The following RRAD variants were observed in gnomAD, a reference collection of about 807,000 sequenced individuals.
RRAD encodes GTP-binding protein RAD.
Under a neutral mutation model 24.7 loss-of-function variants are expected in RRAD, and 15 were observed. The ratio of observed to expected loss-of-function variants is 0.61; its 90% confidence interval spans 0.41 to 0.93. RRAD has a LOEUF of 0.93. Ranked by LOEUF, RRAD falls within the 40% of genes least tolerant of loss-of-function variation. The pLI, the probability that RRAD is intolerant of heterozygous loss-of-function variation, is 0.00. For missense variants in RRAD, 438 were observed against 452.2 expected, an observed-to-expected ratio of 0.97 and a Z score of 0.29; for synonymous variants, 180 against 189.8, an observed-to-expected ratio of 0.95 and a Z score of 0.43.
chr16:66,921,765 C>T lies in RRAD; in HGVS notation c.*311G>A, dbSNP rs1962913658. On this transcript the variant is annotated 3_prime_UTR_variant, in exon 5 of 5. Coordinates refer to ENST00000299759, the MANE Select transcript of RRAD (RefSeq NM_004165.3). ...CTGAAGAGCCTCCCTCCAGGGCAGG[C>T]ACACCCGGGCTGTGAAAAAAGGCAG... The T allele has an allele frequency of 3.1e-6, 1 of 327,724 alleles. No individual in the cohort carries two copies. Among genetic ancestry groups the T allele is most frequent in the Non-Finnish European group, 5.6e-6 (1 of 179,574 alleles). 20.3% of individuals were successfully genotyped at this position (327,724 alleles called of 1,614,324 possible). A position where few individuals can be genotyped will look rare whatever the true frequency, so the allele number is the denominator to read the frequency against.
At position 66,925,397 on chromosome 16, in the gene RRAD, C is replaced by T. The variant is rs1962985891; in HGVS notation, c.-16+12G>A. ...TGCAGCCGCCCCGACCCCGCTCCGC[C>T]AGGACACTCACCCACTCGCACACAG... On this transcript the variant is annotated intron_variant, in intron 1 of 4. Coordinates refer to ENST00000299759, the MANE Select transcript of RRAD (RefSeq NM_004165.3). The surrounding 1 kb of genome is among the most constrained non-coding windows in gnomAD (Gnocchi z 5.2). 2 of 365,340 alleles carry T rather than the reference C, an allele frequency of 5.5e-6. No homozygotes were observed. Among genetic ancestry groups the T allele is most frequent in the African/African-American group, 4.2e-5 (2 of 47,336 alleles). 22.6% of individuals were successfully genotyped at this position (365,340 alleles called of 1,614,324 possible). A position where few individuals can be genotyped will look rare whatever the true frequency, so the allele number is the denominator to read the frequency against.
intron 4 of RRAD, among the ~76,000 whole-genome samples, chr16:66,922,784 G>A (rs1962934585): frequency 6.6e-6 from 1 of 152,124 alleles, no homozygotes; most frequent in Non-Finnish European, 1.5e-5. Flanking sequence ...CCGGGTTCAC[G>A]CCATTCTCCT....
Position 66,922,099 on chromosome 16 carries a change from A to G in RRAD, c.904T>C (p.Cys302Arg). ...KMAFRAKSKS[C>R]HDLSVL ...ACCTAGAGAACCGAGAGGTCGTGGCAGGACTTGGATTTGGCGCGAAAGGCC... is the reference window on the plus strand; with the variant it reads ...ACCTAGAGAACCGAGAGGTCGTGGCGGGACTTGGATTTGGCGCGAAAGGCC... The change falls in exon 5 of 5, where the codon TGC (cysteine) becomes CGC (arginine). Residue 302 changes from cysteine to arginine, a missense_variant. Physicochemically the swap from Cys to Arg is radical, Grantham distance 180. Coordinates refer to ENST00000299759, the MANE Select transcript of RRAD (RefSeq NM_004165.3). The G allele has an allele frequency of 6.2e-7, 1 of 1,609,366 alleles. No homozygotes were observed. The highest frequency in any genetic ancestry group is 8.5e-7 in the Non-Finnish European group (1 of 1,175,848).
intron 4 of RRAD, among the ~76,000 whole-genome samples, chr16:66,922,673 GTATTT>G (rs367753156): frequency 0.01 from 1,585 of 152,200 alleles, 29 homozygotes; most frequent in African/African-American, 0.036. Context: ...GGACAACTTA[GTATTT>G]TATTTTATTT....
intron 4 of RRAD, among the ~76,000 whole-genome samples, chr16:66,922,948 T>C (rs1364475625): frequency 6.6e-6 from 1 of 152,252 alleles, no homozygotes; most frequent in Non-Finnish European, 1.5e-5. Context: ...CCCAAAGTGC[T>C]GGGATTACAG....
chr16:66,922,012 A>G lies in RRAD; in HGVS notation c.*64T>C, dbSNP rs1047391878. 1 of 1,477,490 alleles carries G rather than the reference A, an allele frequency of 6.8e-7. No individual in the cohort carries two copies. The highest frequency in any genetic ancestry group is 9.3e-7 in the Non-Finnish European group (1 of 1,080,422). 91.5% of individuals were successfully genotyped at this position (1,477,490 alleles called of 1,614,324 possible). On this transcript the variant is annotated 3_prime_UTR_variant, in exon 5 of 5. Coordinates refer to ENST00000299759, the MANE Select transcript of RRAD (RefSeq NM_004165.3). ...GAGCCTGCTCTGAGGCACCCGGGGC[A>G]GTTGGCTGGGCCAGCCCACCAACCC...
chr16:66,923,619 T>G lies in RRAD; in HGVS notation c.546A>C (p.Glu182Asp), dbSNP rs1328070314. The change falls in exon 4 of 5, where the codon GAA (glutamate) becomes GAC (aspartate). Residue 182 changes from glutamate (E) to aspartate (D), a missense_variant. Coordinates refer to ENST00000299759, the MANE Select transcript of RRAD (RefSeq NM_004165.3). The surrounding 1 kb of genome is among the most constrained non-coding windows in gnomAD (Gnocchi z 4.9). ...TDKGSFEKASELRVQLRRARQ... is the reference protein window; with the variant it reads ...TDKGSFEKASDLRVQLRRARQ... Reference sequence around the variant, plus strand: ...GTGCACGCCGCAGCTGGACCCGCAGTTCTGAGGCCTTCTCGAAGCTGCCCT... The same window carrying G: ...GTGCACGCCGCAGCTGGACCCGCAGGTCTGAGGCCTTCTCGAAGCTGCCCT... 10 of 1,613,916 alleles carry G rather than the reference T, an allele frequency of 6.2e-6. No individual in the cohort carries two copies. Among genetic ancestry groups the G allele is most frequent in the Non-Finnish European group, 8.5e-6 (10 of 1,179,986 alleles).
chr16:66,924,934 T>C lies in RRAD; in HGVS notation c.246A>G (p.Ser82=). 6.4e-7 allele frequency: 1 copy of C among 1,564,580 alleles called. No individual in the cohort carries two copies. The stretch of plus-strand genomic sequence containing the variant: ...CGCTCTCGTCTGAGTCGCTGCCCCC[T>C]GAGCTGAGCGAGTCCTCGGAGTCCT... ...WPEDSEDSLS[S]GGSDSDESVY... Residue 82 remains serine, a synonymous_variant, in exon 2 of 5, where the codon TCA becomes TCG. Transcript: ENST00000299759. This position sits in a 1 kb window ranked among gnomAD's most constrained non-coding sequence, Gnocchi z 4.2.
Position 66,925,181 on chromosome 16 carries a change from G to T in RRAD, c.-2C>A. 1 of 1,246,260 alleles carries T rather than the reference G, an allele frequency of 8.0e-7. No individual in the cohort carries two copies. The highest frequency in any genetic ancestry group is 3.1e-5 in the East Asian group (1 of 32,586). The allele number at this position is 1,246,260 out of a possible 1,614,324, so 77.2% of individuals were successfully genotyped here. A position where few individuals can be genotyped will look rare whatever the true frequency, so the allele number is the denominator to read the frequency against. On this transcript the variant is annotated 5_prime_UTR_variant, in exon 2 of 5. Transcript: ENST00000299759. This position sits in a 1 kb window ranked among gnomAD's most constrained non-coding sequence, Gnocchi z 5.2. Reference sequence around the variant, plus strand: ...GCTGCCGCCGCCGTTCAGGGTCATCGCGTCCGGGACCGTCTAGGGGATCAG... The same window carrying T: ...GCTGCCGCCGCCGTTCAGGGTCATCTCGTCCGGGACCGTCTAGGGGATCAG...
rs900375736 is a variant in RRAD at position 66,921,818 on chromosome 16, C to T, written c.*258G>A. The T allele has an allele frequency of 3.7e-5, 16 of 432,948 alleles. No individual in the cohort carries two copies. The highest frequency in any genetic ancestry group is 6.6e-5 in the Non-Finnish European group (16 of 244,130). The allele number at this position is 432,948 out of a possible 1,614,324, so 26.8% of individuals were successfully genotyped here. ...TCCTCTCCCGGCACGCAGGCCTGCC[C>T]GGCGGCTGCGCTGCGGCTGCTTGGG... is the stretch of plus-strand genomic sequence containing the variant. On this transcript the variant is annotated 3_prime_UTR_variant, in exon 5 of 5. Coordinates refer to ENST00000299759, the MANE Select transcript of RRAD (RefSeq NM_004165.3).
Position 66,922,200 on chromosome 16 carries a change from G to C in RRAD, c.803C>G (p.Thr268Ser), listed in dbSNP as rs374828442. Residue 268 changes from threonine (T) to serine (S), a missense_variant, in exon 5 of 5, where the codon ACC (threonine) becomes AGC (serine). Thr to Ser is a moderately conservative substitution (Grantham distance 58, BLOSUM62 1). Coordinates refer to ENST00000299759, the MANE Select transcript of RRAD (RefSeq NM_004165.3). The stretch of plus-strand genomic sequence containing the variant: ...TTTGCCAAGGCTCTCTCGCCTCCGG[G>C]TGCCTGCTTGCCGTCGTGCGTTGGC... Reference protein sequence around the residue: ...KEANARRQAGTRRRESLGKKA... With the variant: ...KEANARRQAGSRRRESLGKKA... The C allele has an allele frequency of 8.4e-5, 135 of 1,614,102 alleles. No individual in the cohort carries two copies. Among genetic ancestry groups the C allele is most frequent in the Non-Finnish European group, 1.1e-4 (131 of 1,180,030 alleles).
rs769029137 is a variant in RRAD at position 66,922,242 on chromosome 16, C to A, written c.761G>T (p.Arg254Leu). The A allele has an allele frequency of 1.9e-6, 3 of 1,614,166 alleles. No homozygotes were observed. The highest frequency in any genetic ancestry group is 1.7e-5 in the Admixed American group (1 of 60,030). Reference protein sequence around the residue: ...FEGVVRQIRLRRDSKEANARR... With the variant: ...FEGVVRQIRLLRDSKEANARR... ...TGCGTTGGCTTCTTTGCTGTCCCTG[C>A]GCAGGCGTATCTGGCGCACGACACC... is the stretch of plus-strand genomic sequence containing the variant. Residue 254 changes from arginine (R) to leucine (L), a missense_variant, in exon 5 of 5, where the codon CGC becomes CTC. Transcript: ENST00000299759.
In RRAD at chr16:66,925,236, G is replaced by C; in HGVS notation, c.-15-42C>G. Reference sequence around the variant, plus strand: ...CCGAGTGGCCGTGTAAGCCGCGAGGGAGGCGGGACCCGGGGCGCACCTGCC... The same window carrying C: ...CCGAGTGGCCGTGTAAGCCGCGAGGCAGGCGGGACCCGGGGCGCACCTGCC... On this transcript the variant is annotated intron_variant, in intron 1 of 4. Coordinates refer to ENST00000299759, the MANE Select transcript of RRAD (RefSeq NM_004165.3). The surrounding 1 kb of genome is among the most constrained non-coding windows in gnomAD (Gnocchi z 5.2). 1.6e-6 allele frequency: 2 copies of C among 1,220,370 alleles called. No homozygotes were observed. Among genetic ancestry groups the C allele is most frequent in the Non-Finnish European group, 2.0e-6 (2 of 979,784 alleles). 75.6% of individuals were successfully genotyped at this position (1,220,370 alleles called of 1,614,324 possible). A position where few individuals can be genotyped will look rare whatever the true frequency, so the allele number is the denominator to read the frequency against.
chr16:66,923,078 G>A lies in RRAD; in HGVS notation c.649+438C>T, dbSNP rs1234349559. ...GAGGCAAGGTCACCAAGTCACTGCT[G>A]GGTTCCTCTGAGGGGCTCAGTACTG... On this transcript the variant is annotated intron_variant, in intron 4 of 4. Coordinates refer to ENST00000299759, the MANE Select transcript of RRAD (RefSeq NM_004165.3). This position sits in a 1 kb window ranked among gnomAD's most constrained non-coding sequence, Gnocchi z 4.9. Among the ~76,000 whole-genome samples the A allele has an allele frequency of 6.6e-6, 1 of 152,208 alleles. No individual in the cohort carries two copies. The highest frequency in any genetic ancestry group is 2.4e-5 in the African/African-American group (1 of 41,460).
rs544684389 is a variant in RRAD, at chr16:66,923,188, A to C, written c.649+328T>G. On this transcript the variant is annotated intron_variant, in intron 4 of 4. Coordinates refer to ENST00000299759, the MANE Select transcript of RRAD (RefSeq NM_004165.3). The surrounding 1 kb of genome is among the most constrained non-coding windows in gnomAD (Gnocchi z 4.9). ...ACTCTAAGAATGGCCCAGACCTAGC[A>C]CACAGGCTCTGACCTCCTGGCCTGT... 6.6e-6 allele frequency among the ~76,000 whole-genome samples: 1 copy of C among 152,122 alleles called. No individual in the cohort carries two copies. The highest frequency in any genetic ancestry group is 1.9e-4 in the East Asian group (1 of 5,152).
In RRAD at chr16:66,923,559, GC is replaced by G; in HGVS notation, c.605del (p.Gly202AlafsTer85). ...GAGAGCGCACCAGGTCGCTCTTGTT[GC>G]CCACGAGGATGATGGGCACATCATC... ...QTDDVPIILV[G>X]NKSDLVRSRE... On this transcript the variant is annotated frameshift_variant, in exon 4 of 5. Coordinates refer to ENST00000299759, the MANE Select transcript of RRAD (RefSeq NM_004165.3). LOFTEE classifies it high-confidence loss of function. This position sits in a 1 kb window ranked among gnomAD's most constrained non-coding sequence, Gnocchi z 4.9. 1 of 1,609,882 alleles carries G rather than the reference GC, an allele frequency of 6.2e-7. No homozygotes were observed.
chr16:66,925,227 G>A lies in RRAD; in HGVS notation c.-15-33C>T. 1 of 1,231,984 alleles carries A rather than the reference G, an allele frequency of 8.1e-7. No homozygotes were observed. Among genetic ancestry groups the A allele is most frequent in the Non-Finnish European group, 1.0e-6 (1 of 986,978 alleles). 76.3% of individuals were successfully genotyped at this position (1,231,984 alleles called of 1,614,324 possible). Reference sequence around the variant, plus strand: ...ATCAGGAACCCGAGTGGCCGTGTAAGCCGCGAGGGAGGCGGGACCCGGGGC... The same window carrying A: ...ATCAGGAACCCGAGTGGCCGTGTAAACCGCGAGGGAGGCGGGACCCGGGGC... On this transcript the variant is annotated intron_variant, in intron 1 of 4. Transcript: ENST00000299759. The surrounding 1 kb of genome is among the most constrained non-coding windows in gnomAD (Gnocchi z 5.2).
rs1962963358 is a variant in RRAD at position 66,924,457 on chromosome 16, A to G, written c.370+353T>C. On this transcript the variant is annotated intron_variant, in intron 2 of 4. Coordinates refer to ENST00000299759, the MANE Select transcript of RRAD (RefSeq NM_004165.3). The surrounding 1 kb of genome is among the most constrained non-coding windows in gnomAD (Gnocchi z 4.2). ...CAAGGTGGGCGGATCACGAGGTCAG[A>G]AATTCCAGACCAGCCTGGCCAACAT... Among the ~76,000 whole-genome samples, 1 of 152,238 alleles carries G rather than the reference A, an allele frequency of 6.6e-6. No individual in the cohort carries two copies. The highest frequency in any genetic ancestry group is 2.1e-4 in the South Asian group (1 of 4,820).
intron 4 of RRAD, 115 bp from the exon 5 acceptor site, chr16:66,922,468 C>T (rs1962929743): frequency 3.7e-6 from 4 of 1,083,594 alleles, no homozygotes; most frequent in East Asian, 2.5e-5. Context: ...AGGTCCTCCC[C>T]GAAAACACAG....
Sources: gnomAD v4.1 joint callset for allele counts (sites outside exome capture counted in the v4.1 genomes callset) on GRCh38, gnomAD v4.1.1 for gene constraint, Gnocchi (gnomAD v3.1) non-coding constraint, MANE v1.5 for transcripts, NCBI Gene and HGNC (gene_info 2026-07-23, HGNC 2026-07-21) for gene names.